Variants in MTA1 observed in about 807,000 individuals in gnomAD.
MTA1 encodes the protein metastasis associated 1.
MTA1 carries 15 observed loss-of-function variants against 97.0 expected under a neutral mutation model. The ratio of observed to expected loss-of-function variants is 0.15; its 90% CI spans 0.10 to 0.24. The LOEUF is 0.24. MTA1 is among the 10% of genes least tolerant of loss of function. MTA1 has a pLI of 1.00. For synonymous variants in MTA1, 435 were observed against 417.5 expected, an observed-to-expected ratio of 1.04 and a Z score of -0.51; for missense variants, 709 against 1,015.1, an observed-to-expected ratio of 0.70 and a Z score of 4.10.
intron 10 of MTA1, among the ~76,000 whole-genome samples, chr14:105,462,149 T>C (rs7160244): frequency 0.11 from 1,050 of 9,656 alleles, 4 homozygotes; most frequent in Non-Finnish European, 0.16. Flanking sequence ...CCTGTCCAGG[T>C]GCGGGGATGG....
intron 1 of MTA1, among the ~76,000 whole-genome samples, chr14:105,421,327 CGAGGGAGGGGCCT>C (rs782505487): frequency 2.0e-4 from 30 of 152,146 alleles, no homozygotes; most frequent in Non-Finnish European, 3.5e-4. Context: ...CGGGGTCCCT[CGAGGGAGGGGCCT>C]GTTCCTTCCT....
chr14:105,431,580 C>T (rs951290869), intron 1 of MTA1, among the ~76,000 whole-genome samples: 3 of 152,200 alleles, frequency 2.0e-5, no homozygotes, highest in Non-Finnish European at 4.4e-5. Context: ...GTTATTCATT[C>T]TATTACTTGT....
chr14:105,450,620 G>C (rs1233691278), intron 6 of MTA1, among the ~76,000 whole-genome samples: 1 of 152,184 alleles, frequency 6.6e-6, no homozygotes, highest in Non-Finnish European at 1.5e-5. Flanking sequence ...GTGTGGCTGA[G>C]GCAGGTGGGG....
rs2083731036 is a variant in MTA1, at chr14:105,469,349, G to A, written c.1814-118G>A. On this transcript the variant is annotated intron_variant, in intron 18 of 20. Transcript: ENST00000331320. ...CAGGCCCATCCTGGGTGTGGGCTGT[G>A]GCTTGGTTGGCAGATGGCCCCGGCC... The A allele has an allele frequency of 2.6e-6, 3 of 1,161,778 alleles. No individual in the cohort carries two copies. The Admixed American group carries it at 5.4e-5, about 21-fold the overall frequency. 72.0% of individuals were successfully genotyped at this position (1,161,778 alleles called of 1,614,324 possible).
intron 7 of MTA1, among the ~76,000 whole-genome samples, chr14:105,455,175 G>A (rs1307798227): frequency 2.0e-5 from 3 of 152,194 alleles, no homozygotes; most frequent in Non-Finnish European, 4.4e-5. Flanking sequence ...CAAACTGCTG[G>A]GATTACATGT....
chr14:105,423,215 ATT>A (rs1166908446), intron 1 of MTA1, among the ~76,000 whole-genome samples: 12 of 113,546 alleles, frequency 1.1e-4, no homozygotes, highest in East Asian at 4.9e-4. Context: ...TTTTTGTTTA[ATT>A]TTTTTTTTTT....
intron 1 of MTA1, among the ~76,000 whole-genome samples, chr14:105,438,358 C>T (rs1424985012): frequency 2.0e-5 from 3 of 152,142 alleles, no homozygotes; most frequent in Non-Finnish European, 2.9e-5. Context: ...ACAGCTTCCC[C>T]AAGAAGGGCC....
rs1169423408 is a variant in MTA1, at chr14:105,420,272, TCGG to T, written c.28+214_28+216del. Among the ~76,000 whole-genome samples, 3 of 146,952 alleles carry T rather than the reference TCGG, an allele frequency of 2.0e-5. No individual in the cohort carries two copies. The highest frequency in any genetic ancestry group is 4.5e-5 in the Non-Finnish European group (3 of 66,168). On this transcript the variant is annotated intron_variant, in intron 1 of 20. Coordinates refer to ENST00000331320, the MANE Select transcript of MTA1 (RefSeq NM_004689.4). This position sits in a 1 kb window ranked among gnomAD's most constrained non-coding sequence, Gnocchi z 5.3. Reference sequence around the variant, plus strand: ...CGGCCCCATCGGGGGCGGGCGGGGCTCGGCGGCCCGGGGGTGGGGGGCGGCCCA... The same window carrying T: ...CGGCCCCATCGGGGGCGGGCGGGGCTCGGCCCGGGGGTGGGGGGCGGCCCA...
rs139027870 is a variant in MTA1, at chr14:105,449,768, C to T, written c.242-290C>T. On this transcript the variant is annotated intron_variant, in intron 4 of 20. Transcript: ENST00000331320. ...TTGCCTGCTGCTTCTGGGGCTGGCC[C>T]GGACCTTGTTCTCCCTCCTCCTTCC... Among the ~76,000 whole-genome samples the T allele has an allele frequency of 4.0e-4, 61 of 152,316 alleles. 1 individual carries two copies. Among genetic ancestry groups the T allele is most frequent in the African/African-American group, 1.3e-3 (53 of 41,568 alleles).
Position 105,470,285 on chromosome 14 carries a change from C to T in MTA1, c.*70C>T, listed in dbSNP as rs1300047271. On this transcript the variant is annotated 3_prime_UTR_variant, in exon 21 of 21. Coordinates refer to ENST00000331320, the MANE Select transcript of MTA1 (RefSeq NM_004689.4). Reference sequence around the variant, plus strand: ...CACGGCCCCTTCCCAGCCAGCCCGCCGCCCGCCCCTCAGTTTGGTAGTGCC... The same window carrying T: ...CACGGCCCCTTCCCAGCCAGCCCGCTGCCCGCCCCTCAGTTTGGTAGTGCC... The T allele has an allele frequency of 5.0e-5, 65 of 1,310,348 alleles. No individual in the cohort carries two copies. The highest frequency in any genetic ancestry group is 1.9e-4 in the Admixed American group (5 of 26,822). The allele number at this position is 1,310,348 out of a possible 1,614,324, so 81.2% of individuals were successfully genotyped here.
In MTA1 at chr14:105,429,628, T is replaced by G. The variant is rs587741361; in HGVS notation, c.29-9044T>G. ...CACTATGCCCGGCTAATTTTTTGTATTTTTTTAGTAGAGACGGGGTTTCAC... is the reference window on the plus strand; with the variant it reads ...CACTATGCCCGGCTAATTTTTTGTAGTTTTTTAGTAGAGACGGGGTTTCAC... On this transcript the variant is annotated intron_variant, in intron 1 of 20. Transcript: ENST00000331320. Among the ~76,000 whole-genome samples the G allele has an allele frequency of 4.0e-5, 6 of 151,556 alleles. No individual in the cohort carries two copies. The South Asian group carries it at 1.0e-3, about 26-fold the overall frequency.
chr14:105,468,953 C>T, intron 18 of MTA1: 2 of 324,930 alleles, frequency 6.2e-6, no homozygotes, highest in South Asian at 4.6e-5. Context: ...ACCCCATCCC[C>T]AAGCACATGC....
intron 7 of MTA1, among the ~76,000 whole-genome samples, chr14:105,456,586 G>A (rs977356828): frequency 6.6e-6 from 1 of 152,220 alleles, no homozygotes; most frequent in Non-Finnish European, 1.5e-5. Flanking sequence ...CCCCACCTCC[G>A]AGAGGCTGTG....
chr14:105,441,295 A>G (rs1555425594), intron 2 of MTA1, among the ~76,000 whole-genome samples: 1 of 151,932 alleles, frequency 6.6e-6, no homozygotes, highest in African/African-American at 2.4e-5. Context: ...GGCTCCCAGG[A>G]CCCTAGCGGC....
rs2081766086 is a variant in MTA1, at chr14:105,419,897, G to A, written c.-139G>A. On this transcript the variant is annotated 5_prime_UTR_variant, in exon 1 of 21. Coordinates refer to ENST00000331320, the MANE Select transcript of MTA1 (RefSeq NM_004689.4). ...CCTCGGCGGCCTCGGCGGCGGCGGC[G>A]GCGGCGGCGGCGGCAGCAGCGCGGC... The A allele has an allele frequency of 4.5e-6, 1 of 222,116 alleles. No individual in the cohort carries two copies. The highest frequency in any genetic ancestry group is 7.4e-6 in the Non-Finnish European group (1 of 135,308). The allele number at this position is 222,116 out of a possible 1,614,324, so 13.8% of individuals were successfully genotyped here. A position where few individuals can be genotyped will look rare whatever the true frequency, so the allele number is the denominator to read the frequency against.
At position 105,464,691 on chromosome 14, in the gene MTA1, A is replaced by C. The variant is rs782448833; in HGVS notation, c.1362A>C (p.Pro454=). ...TTCCGCAGAGTCCCCACGGCCTCCC[A>C]GCCCGGAGCAGCGGGAGCCCCAAGT... ...NRSNMSPHGL[P]ARSSGSPKFA... is the part of the protein sequence containing the mutation. Residue 454 remains proline (P), a synonymous_variant, in exon 15 of 21, where the codon CCA becomes CCC. Transcript: ENST00000331320. 81 of 1,604,070 alleles carry C rather than the reference A, an allele frequency of 5.0e-5. No individual in the cohort carries two copies. The highest frequency in any genetic ancestry group is 1.6e-4 in the Middle Eastern group (1 of 6,064).
At chr14:105,460,577 T>A in intron 9 of MTA1, 120 bp downstream of exon 9, 1 of 1,216,484 alleles carries the variant, frequency 8.2e-7, no homozygotes, top group South Asian at 1.5e-5. Flanking sequence ...CCTGCAGAGG[T>A]GCTGTCCCAC....
chr14:105,465,285 C>T, intron 16 of MTA1, 102 bp downstream of exon 16: 1 of 1,038,538 alleles, frequency 9.6e-7, no homozygotes, highest in South Asian at 1.9e-5. Flanking sequence ...GCTGGGAGCT[C>T]CTGGACAGCC....
intron 2 of MTA1, among the ~76,000 whole-genome samples, chr14:105,440,446 C>T (rs185612566): frequency 1.2e-4 from 19 of 152,356 alleles, no homozygotes; most frequent in East Asian, 3.9e-4. Flanking sequence ...GCAGTGCCTC[C>T]GTGGGCGCCT....
Sources: gnomAD v4.1 joint callset for allele counts (sites outside exome capture counted in the v4.1 genomes callset) on GRCh38, gnomAD v4.1.1 for gene constraint, Gnocchi (gnomAD v3.1) non-coding constraint, MANE v1.5 for transcripts, NCBI Gene and HGNC (gene_info 2026-07-23, HGNC 2026-07-21) for gene names.